ITSN2: variants seen among roughly 807,000 people sequenced by gnomAD.
ITSN2 encodes the protein intersectin 2.
In ITSN2, 156 loss-of-function variants were observed where a neutral mutation model predicts 243.7. The ratio of observed to expected loss-of-function variants is 0.64; its 90% CI spans 0.56 to 0.73. ITSN2 has a LOEUF of 0.73. Ranked by LOEUF, ITSN2 falls within the 30% of genes least tolerant of loss-of-function variation. ITSN2 has a pLI of 0.00. For synonymous variants in ITSN2, 703 were observed against 699.9 expected (o/e 1.00, Z -0.07); for missense variants, 1,801 against 1,996.1 (o/e 0.90, Z 1.86).
chr2:24,343,924 G>A (rs2551133), intron 1 of ITSN2, among the ~76,000 whole-genome samples: 148,966 of 152,330 alleles, frequency 0.98, 72,835 homozygotes, highest in East Asian at 0.99. Flanking sequence ...CTTACTAAGC[G>A]GACTCCACAG....
chr2:24,261,628 C>A lies in ITSN2; in HGVS notation c.2470G>T (p.Ala824Ser), dbSNP rs1675876432. The A allele has an allele frequency of 6.2e-7, 1 of 1,613,546 alleles. No homozygotes were observed. The highest frequency in any genetic ancestry group is 8.5e-7 in the Non-Finnish European group (1 of 1,179,614). The change falls in exon 21 of 40, where the codon GCT becomes TCT. Residue 824 changes from alanine (A) to serine (S), a missense_variant. Ala to Ser is a moderately conservative substitution (Grantham distance 99). This residue lies in a region of ITSN2 where 928 missense variants were observed against 1,065.4 expected (regional missense o/e 0.87). Transcript: ENST00000355123. Reference sequence around the variant, plus strand: ...AGTAAGGCCTTCTTTGGAGATACAGCTTTTTCATTTTCACTTGATGGCATT... The same window carrying A: ...AGTAAGGCCTTCTTTGGAGATACAGATTTTTCATTTTCACTTGATGGCATT... ...EKMPSSENEK[A>S]VSPKKALLPP...
intron 35 of ITSN2, 111 bp downstream of exon 35, chr2:24,209,707 C>A: frequency 1.2e-6 from 1 of 806,592 alleles, no homozygotes; most frequent in Non-Finnish European, 2.1e-6. Flanking sequence ...CGATCTGGAA[C>A]CAGGTGAGGA....
chr2:24,280,936 G>C (rs1678689510), intron 17 of ITSN2, among the ~76,000 whole-genome samples: 1 of 152,178 alleles, frequency 6.6e-6, no homozygotes, highest in African/African-American at 2.4e-5. Flanking sequence ...ATCAGAAACA[G>C]AACTACCATT....
intron 2 of ITSN2, among the ~76,000 whole-genome samples, chr2:24,326,424 T>A (rs560029295): frequency 2.0e-5 from 3 of 152,328 alleles, no homozygotes; most frequent in Non-Finnish European, 2.9e-5. Flanking sequence ...ATTTTGCTTA[T>A]AAAACTGATT....
intron 29 of ITSN2, among the ~76,000 whole-genome samples, chr2:24,231,817 G>A (rs1464908226): frequency 6.6e-6 from 1 of 152,198 alleles, no homozygotes; most frequent in Non-Finnish European, 1.5e-5. Flanking sequence ...TTGGAGGGGA[G>A]CAGTGCCGGT....
chr2:24,273,269 T>C (rs1677602691), intron 18 of ITSN2, among the ~76,000 whole-genome samples: 1 of 152,170 alleles, frequency 6.6e-6, no homozygotes, highest in Admixed American at 6.6e-5. Flanking sequence ...ACCTCCTTCA[T>C]CCTCTATCAT....
chr2:24,223,863 GAAAGAAAGAAAAA>G (rs1447614221), intron 29 of ITSN2, among the ~76,000 whole-genome samples: 56 of 14,438 alleles, frequency 3.9e-3, no homozygotes, highest in South Asian at 0.01. Flanking sequence ...AGAAAGAAAG[GAAAGAAAGAAAAA>G]AAAGAAAGAA....
intron 1 of ITSN2, among the ~76,000 whole-genome samples, chr2:24,353,516 G>A (rs1228947292): frequency 2.0e-5 from 3 of 152,126 alleles, no homozygotes; most frequent in African/African-American, 4.8e-5. Flanking sequence ...AGGTTGCAGT[G>A]AGCTGAGATG....
chr2:24,223,566 T>C (rs1670679126), intron 29 of ITSN2, among the ~76,000 whole-genome samples: 1 of 150,206 alleles, frequency 6.7e-6, no homozygotes, highest in Non-Finnish European at 1.5e-5. Context: ...GTGCCTGTAG[T>C]CCCAGCTACT....
chr2:24,358,028 C>G (rs991671156), intron 1 of ITSN2, among the ~76,000 whole-genome samples: 1 of 152,318 alleles, frequency 6.6e-6, no homozygotes, highest in Admixed American at 6.5e-5. Flanking sequence ...ATTCTCCTGC[C>G]TCAGCCTCCT....
Position 24,204,916 on chromosome 2 carries a change from G to A in ITSN2, c.4762+298C>T, listed in dbSNP as rs929535217. 8.0e-6 allele frequency: 3 copies of A among 376,056 alleles called. No individual in the cohort carries two copies. Among genetic ancestry groups the A allele is most frequent in the African/African-American group, 6.3e-5 (3 of 47,516 alleles). 23.3% of individuals were successfully genotyped at this position (376,056 alleles called of 1,614,324 possible). A position where few individuals can be genotyped will look rare whatever the true frequency, so the allele number is the denominator to read the frequency against. ...AATCCCAGCACTTTGGGAGGCCGAGGCGGGCAGATCACTTGAGGTCAGGAG... is the reference window on the plus strand; with the variant it reads ...AATCCCAGCACTTTGGGAGGCCGAGACGGGCAGATCACTTGAGGTCAGGAG... On this transcript the variant is annotated intron_variant, in intron 38 of 39. Coordinates refer to ENST00000355123, the MANE Select transcript of ITSN2 (RefSeq NM_006277.3). This position sits in a 1 kb window ranked among gnomAD's most constrained non-coding sequence, Gnocchi z 5.1.
At chr2:24,207,637 G>A (rs992682370) in intron 37 of ITSN2, among the ~76,000 whole-genome samples, 6 of 152,050 alleles carry the variant, frequency 3.9e-5, no homozygotes, top group Admixed American at 2.6e-4. Flanking sequence ...GGAAGGCAGC[G>A]CCTCAGTGAC....
intron 2 of ITSN2, among the ~76,000 whole-genome samples, chr2:24,315,681 G>A (rs1683825523): frequency 1.3e-5 from 2 of 152,178 alleles, no homozygotes; most frequent in African/African-American, 4.8e-5. Flanking sequence ...GATCATGGGA[G>A]TTGATTTCTC....
chr2:24,294,300 C>T (rs940133048), intron 14 of ITSN2, among the ~76,000 whole-genome samples: 1 of 152,168 alleles, frequency 6.6e-6, no homozygotes, highest in Non-Finnish European at 1.5e-5. Flanking sequence ...GTGGTGGGTG[C>T]CTGTAATCCC....
chr2:24,251,746 T>A (rs993072619), intron 25 of ITSN2, among the ~76,000 whole-genome samples: 2 of 151,332 alleles, frequency 1.3e-5, no homozygotes, highest in Admixed American at 1.3e-4. Flanking sequence ...TATGTTACCA[T>A]GTAATGGATT....
chr2:24,271,638 T>C lies in ITSN2; in HGVS notation c.2257+128A>G, dbSNP rs563935919. The C allele has an allele frequency of 7.5e-6, 9 of 1,207,426 alleles. No homozygotes were observed. The Admixed American group carries it at 1.6e-4, about 21-fold the overall frequency. The allele number at this position is 1,207,426 out of a possible 1,614,324, so 74.8% of individuals were successfully genotyped here. Reference sequence around the variant, plus strand: ...CTACTGCTTTTTATCCAAGTTTAATTTATAAAAAGGTTTTTTCTGACTCTA... The same window carrying C: ...CTACTGCTTTTTATCCAAGTTTAATCTATAAAAAGGTTTTTTCTGACTCTA... On this transcript the variant is annotated intron_variant, in intron 19 of 39. Coordinates refer to ENST00000355123, the MANE Select transcript of ITSN2 (RefSeq NM_006277.3).
chr2:24,350,672 G>C (rs144332418), intron 1 of ITSN2, among the ~76,000 whole-genome samples: 178 of 152,256 alleles, frequency 1.2e-3, no homozygotes, highest in African/African-American at 4.1e-3. Flanking sequence ...CCATAAAAAG[G>C]AATGAAGTAC....
intron 1 of ITSN2, among the ~76,000 whole-genome samples, chr2:24,336,468 C>T (rs933012111): frequency 6.6e-6 from 1 of 152,126 alleles, no homozygotes; most frequent in Admixed American, 6.5e-5. Flanking sequence ...AAATACGGCC[C>T]TCTTCAGTAT....
In ITSN2 at chr2:24,215,095, G is replaced by A. The variant is rs557163616; in HGVS notation, c.3990+954C>T. On this transcript the variant is annotated intron_variant, in intron 32 of 39. Transcript: ENST00000355123. Reference sequence around the variant, plus strand: ...TTGTTGACTCATTACATTATACACAGTGTTCTCTCTCTGAGTACAGCTGTA... The same window carrying A: ...TTGTTGACTCATTACATTATACACAATGTTCTCTCTCTGAGTACAGCTGTA... Among the ~76,000 whole-genome samples the A allele has an allele frequency of 2.2e-4, 33 of 152,312 alleles. No individual in the cohort carries two copies. The Middle Eastern group carries it at 0.01, about 47-fold the overall frequency.
Sources: gnomAD v4.1 joint callset for allele counts (sites outside exome capture counted in the v4.1 genomes callset) on GRCh38, gnomAD v4.1.1 for gene constraint, gnomAD v4.1.1 regional missense constraint, Gnocchi (gnomAD v3.1) non-coding constraint, MANE v1.5 for transcripts, NCBI Gene and HGNC (gene_info 2026-07-23, HGNC 2026-07-21) for gene names.